KLHL8: variants seen among roughly 807,000 people sequenced by gnomAD.
The protein encoded by KLHL8 is kelch like family member 8, also known as kelch-like protein 8.
In KLHL8, 38 loss-of-function variants were observed where a neutral mutation model predicts 63.5. The observed-to-expected ratio is 0.60, with a 90% confidence interval of 0.46 to 0.78. The LOEUF is 0.78. Among genes scored for constraint, KLHL8 ranks in the 30% least tolerant of loss-of-function variants. KLHL8 has a pLI of 0.00. For synonymous variants in KLHL8, 224 were observed against 254.3 expected (o/e 0.88, Z 1.13); for missense variants, 566 against 752.4 (o/e 0.75, Z 2.90).
upstream of KLHL8, among the ~76,000 whole-genome samples, chr4:87,222,609 G>A (rs1732898927): frequency 6.6e-6 from 1 of 151,996 alleles, no homozygotes; most frequent in African/African-American, 2.4e-5. Flanking sequence ...TTGAGACGGA[G>A]TTTTGCTCTT....
At chr4:87,199,640 T>C in intron 1 of KLHL8, among the ~76,000 whole-genome samples, 1 of 143,396 alleles carries the variant, frequency 7.0e-6, no homozygotes, top group Non-Finnish European at 1.5e-5. Flanking sequence ...TACAAAGAAC[T>C]CCTACAACTC....
intron 3 of KLHL8, among the ~76,000 whole-genome samples, chr4:87,184,491 T>G (rs1432614208): frequency 6.6e-6 from 1 of 152,206 alleles, no homozygotes; most frequent in Admixed American, 6.5e-5. Flanking sequence ...GAATTATCAC[T>G]GAGTGCTTTT....
At chr4:87,182,132 G>T (rs1261548267) in intron 4 of KLHL8, among the ~76,000 whole-genome samples, 1 of 151,438 alleles carries the variant, frequency 6.6e-6, no homozygotes, top group Non-Finnish European at 1.5e-5. Flanking sequence ...AGGAGGCTGA[G>T]GCAGAAGAAT....
intron 1 of KLHL8, among the ~76,000 whole-genome samples, chr4:87,210,921 T>G (rs1732380932): frequency 1.3e-5 from 2 of 152,216 alleles, no homozygotes; most frequent in Admixed American, 1.3e-4. Flanking sequence ...TCTGATATTT[T>G]TTTCATTATA....
intron 8 of KLHL8, among the ~76,000 whole-genome samples, chr4:87,168,514 G>A (rs1730492205): frequency 1.3e-5 from 2 of 151,992 alleles, no homozygotes; most frequent in African/African-American, 4.8e-5. Flanking sequence ...TTAATGGGGG[G>A]AGGTGATTTT....
At chr4:87,178,836 T>G (rs1219658112) in intron 4 of KLHL8, among the ~76,000 whole-genome samples, 1 of 152,174 alleles carries the variant, frequency 6.6e-6, no homozygotes, top group African/African-American at 2.4e-5. Flanking sequence ...CCCACTACAA[T>G]ATGGTTTATA....
At chr4:87,236,593 T>A (rs1048310745) in intron 1 of KLHL8, among the ~76,000 whole-genome samples, 2 of 151,926 alleles carry the variant, frequency 1.3e-5, no homozygotes, top group African/African-American at 4.8e-5. Context: ...GGACTGAAAA[T>A]TTCATTACAG....
chr4:87,211,697 T>A (rs1578399471), intron 1 of KLHL8, among the ~76,000 whole-genome samples: 1 of 152,146 alleles, frequency 6.6e-6, no homozygotes, highest in Non-Finnish European at 1.5e-5. Flanking sequence ...GCCTGGGAGA[T>A]GGAGGTTGCA....
Position 87,210,715 on chromosome 4 carries a change from T to C in KLHL8, c.-152+9703A>G, listed in dbSNP as rs560127626. Among the ~76,000 whole-genome samples, 8 of 152,274 alleles carry C rather than the reference T, an allele frequency of 5.3e-5. No homozygotes were observed. In the South Asian group the frequency reaches 1.7e-3, roughly 32 times the overall value. Reference sequence around the variant, plus strand: ...AGCAAAACCTGAATGTGTTTAATTTTCCACATACTTTAGGCTATTTCACAC... The same window carrying C: ...AGCAAAACCTGAATGTGTTTAATTTCCCACATACTTTAGGCTATTTCACAC... On this transcript the variant is annotated intron_variant, in intron 1 of 9. Coordinates refer to ENST00000273963, the MANE Select transcript of KLHL8 (RefSeq NM_020803.5).
intron 1 of KLHL8, chr4:87,207,221 A>G (rs1732166311): frequency 3.5e-6 from 2 of 566,808 alleles, no homozygotes; most frequent in Admixed American, 2.0e-5. Context: ...CATGGTCTAC[A>G]TGTTCCAGTA....
At chr4:87,170,346 A>G in intron 7 of KLHL8, 101 bp downstream of exon 7, 1 of 1,422,952 alleles carries the variant, frequency 7.0e-7, no homozygotes, top group Non-Finnish European at 9.6e-7. Context: ...ATAATATGAT[A>G]TATAATATCT....
chr4:87,185,112 TA>T, intron 3 of KLHL8, 138 bp downstream of exon 3: 3 of 832,832 alleles, frequency 3.6e-6, no homozygotes, highest in Non-Finnish European at 5.3e-6. Flanking sequence ...ATTAGAGAGC[TA>T]AAAGCCATTT....
chr4:87,176,185 AG>A lies in KLHL8; in HGVS notation c.1208+571del, dbSNP rs558461053. On this transcript the variant is annotated intron_variant, in intron 6 of 9. Transcript: ENST00000273963. ...GAAGCCAGGTGCAGGGTAGGTGGCA[AG>A]GTTTTGCCATCTCAGCACTGGCATT... Among the ~76,000 whole-genome samples, 212 of 152,342 alleles carry A rather than the reference AG, an allele frequency of 1.4e-3. 1 individual carries two copies. Among genetic ancestry groups the A allele is most frequent in the Non-Finnish European group, 2.3e-3 (156 of 68,034 alleles).
chr4:87,222,024 T>C (rs1027507517), upstream of KLHL8, among the ~76,000 whole-genome samples: 2 of 152,160 alleles, frequency 1.3e-5, no homozygotes, highest in Admixed American at 1.3e-4. Context: ...AGGTGTCTCT[T>C]ACCTTCCCCA....
intron 2 of KLHL8, among the ~76,000 whole-genome samples, chr4:87,190,115 T>A (rs1271765871): frequency 6.6e-6 from 1 of 151,912 alleles, no homozygotes; most frequent in Non-Finnish European, 1.5e-5. Flanking sequence ...ACAGGAAAAT[T>A]TTCCATATCA....
At chr4:87,180,537 T>C (rs1001576934) in intron 4 of KLHL8, among the ~76,000 whole-genome samples, 7 of 152,246 alleles carry the variant, frequency 4.6e-5, no homozygotes, top group African/African-American at 1.7e-4. Context: ...ACTGCATTTA[T>C]TCAAATGTCT....
At chr4:87,207,358 G>A (rs550729230) in intron 1 of KLHL8, 22 of 647,134 alleles carry the variant, frequency 3.4e-5, no homozygotes, top group African/African-American at 2.8e-4. Flanking sequence ...CAATGCTGAC[G>A]CTGAGTACGT....
At chr4:87,213,546 T>C (rs895016047) in intron 1 of KLHL8, among the ~76,000 whole-genome samples, 1 of 152,164 alleles carries the variant, frequency 6.6e-6, no homozygotes, top group African/African-American at 2.4e-5. Flanking sequence ...GATTCAGGGA[T>C]TGGCAGACTT....
At chr4:87,210,219 C>T (rs138197883) in intron 1 of KLHL8, among the ~76,000 whole-genome samples, 24,258 of 152,014 alleles carry the variant, frequency 0.16, 2,293 homozygotes, top group South Asian at 0.24. Context: ...CAGTGGCTCA[C>T]GCCTGTAATC....
Sources: gnomAD v4.1 joint callset for allele counts (sites outside exome capture counted in the v4.1 genomes callset) on GRCh38, gnomAD v4.1.1 for gene constraint, MANE v1.5 for transcripts, NCBI Gene and HGNC (gene_info 2026-07-23, HGNC 2026-07-21) for gene names.